Variants in TAPBPL observed in about 807,000 individuals in gnomAD.
The protein encoded by TAPBPL is tapasin-related protein.
In TAPBPL, 32 loss-of-function variants were observed where a neutral mutation model predicts 44.8. The ratio of observed to expected loss-of-function variants is 0.71; its 90% CI spans 0.54 to 0.96. TAPBPL has a LOEUF of 0.96. TAPBPL is among the 40% of genes least tolerant of loss of function. TAPBPL has a pLI of 0.00. For missense variants in TAPBPL, 520 were observed against 586.6 expected, an observed-to-expected ratio of 0.89 and a Z score of 1.17; for synonymous variants, 230 against 240.7, an observed-to-expected ratio of 0.96 and a Z score of 0.41.
downstream of TAPBPL, chr12:6,463,901 AC>A: frequency 7.8e-7 from 1 of 1,286,108 alleles, no homozygotes; most frequent in East Asian, 5.6e-5. This position sits in a 1 kb window ranked among gnomAD's most constrained non-coding sequence, Gnocchi z 4.0. Flanking sequence ...AGAAATAACT[AC>A]AAAAAACAAG....
downstream of TAPBPL, chr12:6,464,734 G>A (rs978315593): frequency 4.9e-4 from 740 of 1,516,796 alleles, no homozygotes; most frequent in Non-Finnish European, 6.1e-4. Flanking sequence ...CCTTGTCTCT[G>A]CCCTTCCCCC....
chr12:6,463,619 CTCTT>C (rs770855597), downstream of TAPBPL: 48 of 1,080,430 alleles, frequency 4.4e-5, no homozygotes, highest in Non-Finnish European at 5.2e-5. This position sits in a 1 kb window ranked among gnomAD's most constrained non-coding sequence, Gnocchi z 4.0. Context: ...GGCAATCTCT[CTCTT>C]TATGCCAACA....
At chr12:6,464,392 G>A (rs780448354), downstream of TAPBPL, 3 of 1,554,370 alleles carry the variant, frequency 1.9e-6, no homozygotes, top group South Asian at 1.2e-5. Context: ...GGGTGGGGAA[G>A]TGTGTTGAGA....
Position 6,453,787 on chromosome 12 carries a change from G to A in TAPBPL, c.565+71G>A, listed in dbSNP as rs1949631119. On this transcript the variant is annotated intron_variant, in intron 3 of 6. Transcript: ENST00000266556. The surrounding 1 kb of genome is among the most constrained non-coding windows in gnomAD (Gnocchi z 4.8). ...AATTCCAGAATTTTGGGATACCGAGGTCGGTGGATCACCTGAGGTCAGGAG... is the reference window on the plus strand; with the variant it reads ...AATTCCAGAATTTTGGGATACCGAGATCGGTGGATCACCTGAGGTCAGGAG... The A allele has an allele frequency of 6.8e-7, 1 of 1,469,048 alleles. No homozygotes were observed. The highest frequency in any genetic ancestry group is 9.0e-7 in the Non-Finnish European group (1 of 1,113,966). The allele number at this position is 1,469,048 out of a possible 1,614,324, so 91.0% of individuals were successfully genotyped here.
At chr12:6,464,574 T>G (rs1949956253), downstream of TAPBPL, 7 of 1,463,462 alleles carry the variant, frequency 4.8e-6, no homozygotes. Context: ...TTACCAGACA[T>G]TCAGGTCTCT....
At chr12:6,455,169 G>A (rs1295779196) in intron 3 of TAPBPL, among the ~76,000 whole-genome samples, 2 of 151,954 alleles carry the variant, frequency 1.3e-5, no homozygotes, top group African/African-American at 2.4e-5. Context: ...TCTCTCCCCC[G>A]ACTCCTCATG....
chr12:6,455,298 C>T (rs1481155377), intron 3 of TAPBPL, among the ~76,000 whole-genome samples: 1 of 152,150 alleles, frequency 6.6e-6, no homozygotes, highest in Non-Finnish European at 1.5e-5. Context: ...CAAATACATC[C>T]ATAGCATGTA....
chr12:6,455,460 TAA>T (rs1949678916), intron 3 of TAPBPL, among the ~76,000 whole-genome samples: 1 of 152,102 alleles, frequency 6.6e-6, no homozygotes, highest in Non-Finnish European at 1.5e-5. Context: ...TAAAATCAGC[TAA>T]AAGTCAGATG....
chr12:6,462,546 G>T (rs1448954456), downstream of TAPBPL: 3 of 522,188 alleles, frequency 5.7e-6, no homozygotes, highest in African/African-American at 5.7e-5. Flanking sequence ...ACACACAGAA[G>T]AGGGTACAGG....
intron 3 of TAPBPL, 49 bp from the exon 4 acceptor site, chr12:6,457,357 C>A: frequency 6.4e-7 from 1 of 1,558,646 alleles, no homozygotes; most frequent in Non-Finnish European, 8.7e-7. Flanking sequence ...GATCAGGTGA[C>A]CTCAAGGAGG....
chr12:6,458,276 T>A (rs112573423), intron 4 of TAPBPL, among the ~76,000 whole-genome samples: 1 of 151,766 alleles, frequency 6.6e-6, no homozygotes, highest in African/African-American at 2.4e-5. Flanking sequence ...CTCAGGAGGC[T>A]GAGGCAGAAG....
chr12:6,458,972 C>T, intron 5 of TAPBPL, 25 bp downstream of exon 5: 1 of 1,605,788 alleles, frequency 6.2e-7, no homozygotes, highest in Non-Finnish European at 8.5e-7. Context: ...CTCCTTTTCC[C>T]CACCTCCACA....
intron 3 of TAPBPL, among the ~76,000 whole-genome samples, chr12:6,454,959 T>C (rs1373520119): frequency 6.6e-6 from 1 of 152,108 alleles, no homozygotes; most frequent in East Asian, 1.9e-4. Flanking sequence ...CACTCTAACC[T>C]CTCTGTGGTC....
chr12:6,456,054 C>A (rs1357942046), intron 3 of TAPBPL, among the ~76,000 whole-genome samples: 1 of 152,166 alleles, frequency 6.6e-6, no homozygotes, highest in Non-Finnish European at 1.5e-5. Context: ...GCCACTGTGC[C>A]CAACCTAAGA....
rs908297613 is a variant in TAPBPL, at chr12:6,454,338, G to T, written c.565+622G>T. 3.3e-5 allele frequency among the ~76,000 whole-genome samples: 5 copies of T among 152,172 alleles called. No homozygotes were observed. The East Asian group carries it at 5.8e-4, about 18-fold the overall frequency. On this transcript the variant is annotated intron_variant, in intron 3 of 6. Transcript: ENST00000266556. ...CAGAAATTAGCCGGGCATGATGGCA[G>T]GTGCCTGTAATCCCAGCTACTCAGG...
downstream of TAPBPL, chr12:6,463,706 A>G: frequency 8.8e-7 from 1 of 1,140,608 alleles, no homozygotes; most frequent in South Asian, 1.9e-5. This position sits in a 1 kb window ranked among gnomAD's most constrained non-coding sequence, Gnocchi z 4.0. Flanking sequence ...TGGTGCCCTC[A>G]TACAGAATGC....
downstream of TAPBPL, among the ~76,000 whole-genome samples, chr12:6,469,559 T>C (rs990093970): frequency 5.9e-5 from 9 of 152,144 alleles, no homozygotes; most frequent in African/African-American, 2.2e-4. Context: ...TTGTTGGGAG[T>C]TGGAAACACT....
chr12:6,464,476 A>G (rs749492649), downstream of TAPBPL: 11 of 1,541,874 alleles, frequency 7.1e-6, no homozygotes, highest in African/African-American at 8.3e-5. Context: ...ATTCTCAAGT[A>G]AAAAAGTAGA....
At chr12:6,468,589 C>T (rs1945688473), downstream of TAPBPL, among the ~76,000 whole-genome samples, 1 of 152,200 alleles carries the variant, frequency 6.6e-6, no homozygotes, top group Non-Finnish European at 1.5e-5. Flanking sequence ...CCTTCCTTTT[C>T]TGGATTTGAC....
Sources: gnomAD v4.1 joint callset for allele counts (sites outside exome capture counted in the v4.1 genomes callset) on GRCh38, gnomAD v4.1.1 for gene constraint, Gnocchi (gnomAD v3.1) non-coding constraint, MANE v1.5 for transcripts, NCBI Gene and HGNC (gene_info 2026-07-23, HGNC 2026-07-21) for gene names.